The following BRF1 variants were observed in gnomAD, a reference collection of about 807,000 sequenced individuals.
BRF1 encodes BRF1 general transcription factor IIIB subunit, also known as transcription factor IIIB 90 kDa subunit.
In BRF1, 59 loss-of-function variants were observed where a neutral mutation model predicts 81.7. That is an observed-to-expected ratio of 0.72 (90% CI 0.59 to 0.90). The LOEUF is 0.90. Among genes scored for constraint, BRF1 ranks in the 40% least tolerant of loss-of-function variants. BRF1 has a pLI of 0.00. For missense variants in BRF1, 1,050 were observed against 936.3 expected (o/e 1.12, Z -1.58); for synonymous variants, 491 against 395.6 (o/e 1.24, Z -2.86).
intron 3 of BRF1, among the ~76,000 whole-genome samples, chr14:105,257,832 C>T (rs1005534597): frequency 4.6e-5 from 7 of 152,008 alleles, no homozygotes; most frequent in Non-Finnish European, 8.8e-5. Flanking sequence ...ATACACCTTC[C>T]GGAAAAGGCA....
chr14:105,256,528 T>C lies in BRF1; in HGVS notation c.461A>G (p.Asp154Gly). The C allele has an allele frequency of 6.2e-7, 1 of 1,614,028 alleles. No homozygotes were observed. Among genetic ancestry groups the C allele is most frequent in the Non-Finnish European group, 8.5e-7 (1 of 1,180,014 alleles). ...ACGGAGGCTGTCTACCTGGAGCAGG[T>C]CGCTGAGGTCCAGGAGCATGTCTGC... ...GTPHMLLDLSDLLQVNVYVLG... is the reference protein window; with the variant it reads ...GTPHMLLDLSGLLQVNVYVLG... The change falls in exon 4 of 18, where the codon GAC becomes GGC. Residue 154 changes from aspartate (D) to glycine (G), a missense_variant. This residue lies in a region of BRF1 where 1,043 missense variants were observed against 915.4 expected (regional missense o/e 1.14). Coordinates refer to ENST00000547530, the MANE Select transcript of BRF1 (RefSeq NM_001519.4).
At chr14:105,211,355 C>T in intron 16 of BRF1, 62 bp from the exon 17 acceptor site, 1 of 1,423,962 alleles carries the variant, frequency 7.0e-7, no homozygotes, top group Non-Finnish European at 9.3e-7. Context: ...TCAACAGACC[C>T]CTCAGACCCA....
chr14:105,249,680 G>A (rs764026681), intron 5 of BRF1: 3 of 1,613,560 alleles, frequency 1.9e-6, no homozygotes, highest in South Asian at 2.2e-5. Flanking sequence ...AGCCGACACG[G>A]TGCTGGCCAC....
Position 105,284,527 on chromosome 14 carries a change from G to A in BRF1, c.265+1769C>T, listed in dbSNP as rs1247566121. Reference sequence around the variant, plus strand: ...GGGTGACGTGCTGTCCACAAGAGATGTTCTACCTGTCCCGACCACCTTCCA... The same window carrying A: ...GGGTGACGTGCTGTCCACAAGAGATATTCTACCTGTCCCGACCACCTTCCA... On this transcript the variant is annotated intron_variant, in intron 2 of 17. Transcript: ENST00000547530. The surrounding 1 kb of genome is among the most constrained non-coding windows in gnomAD (Gnocchi z 4.0). Among the ~76,000 whole-genome samples, 2 of 152,174 alleles carry A rather than the reference G, an allele frequency of 1.3e-5. No homozygotes were observed. Among genetic ancestry groups the A allele is most frequent in the Non-Finnish European group, 2.9e-5 (2 of 68,020 alleles).
intron 5 of BRF1, chr14:105,251,017 C>G (rs587729593): frequency 1.7e-4 from 47 of 273,414 alleles, no homozygotes; most frequent in African/African-American, 1.0e-3. Flanking sequence ...AACTTGAGAC[C>G]TTCCCTTCAA....
At chr14:105,292,124 G>A (rs1310612675) in intron 1 of BRF1, among the ~76,000 whole-genome samples, 2 of 152,154 alleles carry the variant, frequency 1.3e-5, no homozygotes, top group African/African-American at 2.4e-5. Flanking sequence ...CCAAATAGGC[G>A]GGACCACAGA....
At chr14:105,223,812 C>T (rs2141521900) in intron 10 of BRF1, among the ~76,000 whole-genome samples, 1 of 152,292 alleles carries the variant, frequency 6.6e-6, no homozygotes, top group South Asian at 2.1e-4. Context: ...CTCAATAAGG[C>T]TGTTAAAAAT....
At chr14:105,288,059 G>A (rs113687162) in intron 1 of BRF1, among the ~76,000 whole-genome samples, 5 of 152,336 alleles carry the variant, frequency 3.3e-5, no homozygotes, top group African/African-American at 7.2e-5. Flanking sequence ...GTGCCGGGAC[G>A]GGGGCAGTGC....
intron 1 of BRF1, among the ~76,000 whole-genome samples, chr14:105,299,342 T>C (rs587673219): frequency 6.6e-6 from 1 of 152,240 alleles, no homozygotes; most frequent in African/African-American, 2.4e-5. Context: ...AGGCCAAGGC[T>C]GGAGTATCAC....
At chr14:105,229,012 G>A in intron 6 of BRF1, 99 bp from the exon 7 acceptor site, 1 of 1,085,482 alleles carries the variant, frequency 9.2e-7, no homozygotes, top group Non-Finnish European at 1.4e-6. Flanking sequence ...TCACGGAGAT[G>A]ATGGCCTGAG....
chr14:105,288,710 T>G (rs2057408526), intron 1 of BRF1, among the ~76,000 whole-genome samples: 1 of 147,882 alleles, frequency 6.8e-6, no homozygotes, highest in East Asian at 2.2e-4. Context: ...CTTGGCTCAC[T>G]GCAAGCTCTG....
intron 2 of BRF1, among the ~76,000 whole-genome samples, chr14:105,282,717 G>C (rs959020924): frequency 6.6e-6 from 1 of 152,130 alleles, no homozygotes; most frequent in African/African-American, 2.4e-5. Flanking sequence ...TGGATCACCT[G>C]AGGTCAGGAG....
At chr14:105,241,639 C>A in intron 5 of BRF1, 1 of 611,892 alleles carries the variant, frequency 1.6e-6, no homozygotes, top group Non-Finnish European at 2.9e-6. Context: ...CAGCCTGCTG[C>A]AGACACGCTA....
intron 5 of BRF1, among the ~76,000 whole-genome samples, chr14:105,251,486 T>C (rs587737810): frequency 1.3e-5 from 2 of 152,262 alleles, no homozygotes; most frequent in Admixed American, 1.3e-4. Context: ...CCACCCCTTG[T>C]CTCTCTCCTC....
intron 1 of BRF1, among the ~76,000 whole-genome samples, chr14:105,293,120 C>T (rs2057590475): frequency 6.6e-6 from 1 of 152,190 alleles, no homozygotes; most frequent in Non-Finnish European, 1.5e-5. Context: ...TGGAGCCTTC[C>T]ACCCTCAGGA....
intron 3 of BRF1, among the ~76,000 whole-genome samples, chr14:105,264,813 C>A (rs973594524): frequency 6.6e-6 from 1 of 151,760 alleles, no homozygotes; most frequent in Non-Finnish European, 1.5e-5. Flanking sequence ...TGCACTCCAG[C>A]CTGGGCAACA....
chr14:105,291,146 C>G (rs1322244483), intron 1 of BRF1, among the ~76,000 whole-genome samples: 3 of 152,148 alleles, frequency 2.0e-5, no homozygotes, highest in Non-Finnish European at 4.4e-5. Flanking sequence ...CCAAGACTGC[C>G]CCCCTGTGTA....
chr14:105,221,846 C>T lies in BRF1; in HGVS notation c.1117G>A (p.Ala373Thr), dbSNP rs142641074. The change falls in exon 11 of 18, where the codon GCG becomes ACG. Residue 373 changes from alanine to threonine, a missense_variant. Coordinates refer to ENST00000547530, the MANE Select transcript of BRF1 (RefSeq NM_001519.4). ...EDTEDEELEA[A>T]ASHLNKDLYR... ...AAGTCTTTGTTCAGGTGGCTGGCCG[C>T]GGCTTCCAGCTCCTCGTCCTCTGTG... 231 of 1,606,984 alleles carry T rather than the reference C, an allele frequency of 1.4e-4. No homozygotes were observed. Among genetic ancestry groups the T allele is most frequent in the Admixed American group, 2.2e-4 (13 of 59,292 alleles).
upstream of BRF1, among the ~76,000 whole-genome samples, chr14:105,303,485 C>T (rs1377675757): frequency 6.6e-6 from 1 of 152,150 alleles, no homozygotes; most frequent in African/African-American, 2.4e-5. Flanking sequence ...CCTCGTGATC[C>T]ACCTGTCTCG....
Sources: allele counts gnomAD v4.1 joint callset (sites outside exome capture counted in the v4.1 genomes callset), GRCh38; gene constraint gnomAD v4.1.1; regional missense constraint gnomAD v4.1.1; non-coding constraint Gnocchi (gnomAD v3.1); transcripts MANE v1.5; gene names NCBI Gene and HGNC (gene_info 2026-07-23, HGNC 2026-07-21).